The following CFAP20DC variants were observed in gnomAD, a reference collection of about 807,000 sequenced individuals.
The protein encoded by CFAP20DC is CFAP20 domain containing.
In CFAP20DC, 84 loss-of-function variants were observed where a neutral mutation model predicts 101.7. That is an observed-to-expected ratio of 0.83 (90% CI 0.69 to 0.99). The LOEUF (loss-of-function observed/expected upper bound fraction) is 0.99. Among genes scored for constraint, CFAP20DC ranks in the 50% least tolerant of loss-of-function variants. The probability of loss-of-function intolerance (pLI) is 0.00; values close to 1 mark genes in which losing one functional copy is unlikely to be tolerated. For missense variants in CFAP20DC, 1,007 were observed against 970.3 expected (o/e 1.04, Z -0.50); for synonymous variants, 359 against 351.2 (o/e 1.02, Z -0.25).
At chr3:58,752,239 G>A (rs538149577) in intron 16 of CFAP20DC, among the ~76,000 whole-genome samples, 1 of 152,214 alleles carries the variant, frequency 6.6e-6, no homozygotes, top group Non-Finnish European at 1.5e-5. Context: ...AATAGAAAAT[G>A]CTTGTTTTTG....
chr3:58,950,855 G>A (rs2090019687), intron 4 of CFAP20DC, among the ~76,000 whole-genome samples: 1 of 152,102 alleles, frequency 6.6e-6, no homozygotes, highest in Non-Finnish European at 1.5e-5. Context: ...GCATGGGCAA[G>A]GACTTCATGT....
chr3:58,843,935 A>C (rs2077380407), intron 13 of CFAP20DC, among the ~76,000 whole-genome samples: 1 of 86,688 alleles, frequency 1.2e-5, no homozygotes, highest in South Asian at 4.9e-4. Flanking sequence ...TGAAGGAGAA[A>C]TAAAATACTT....
At position 58,867,898 on chromosome 3, in the gene CFAP20DC, C is replaced by G; in HGVS notation, c.1054G>C (p.Glu352Gln). The G allele has an allele frequency of 1.2e-6, 2 of 1,613,106 alleles. No homozygotes were observed. The highest frequency in any genetic ancestry group is 1.7e-6 in the Non-Finnish European group (2 of 1,179,510). Reference protein sequence around the residue: ...LHIMHPHPPQEPSADKNNNRR... With the variant: ...LHIMHPHPPQQPSADKNNNRR... Reference sequence around the variant, plus strand: ...TTATTATTCTTATCTGCTGATGGTTCTTGAGGGGGATGCGGATGCATAATA... The same window carrying G: ...TTATTATTCTTATCTGCTGATGGTTGTTGAGGGGGATGCGGATGCATAATA... The change falls in exon 10 of 17, where the codon GAA becomes CAA. Residue 352 changes from glutamate to glutamine, a missense_variant. Transcript: ENST00000482387.
At chr3:58,972,914 T>C (rs2108388891) in intron 4 of CFAP20DC, among the ~76,000 whole-genome samples, 1 of 152,316 alleles carries the variant, frequency 6.6e-6, no homozygotes, top group South Asian at 2.1e-4. Context: ...TATAATACAG[T>C]ACACAGCATT....
At chr3:58,925,933 A>T (rs925899667) in intron 5 of CFAP20DC, among the ~76,000 whole-genome samples, 1 of 152,252 alleles carries the variant, frequency 6.6e-6, no homozygotes, top group Non-Finnish European at 1.5e-5. Flanking sequence ...GTTTTCCAGA[A>T]TAAACTTATT....
chr3:58,945,168 T>A (rs977042782), intron 4 of CFAP20DC, among the ~76,000 whole-genome samples: 1 of 152,194 alleles, frequency 6.6e-6, no homozygotes, highest in African/African-American at 2.4e-5. Flanking sequence ...AGGCTAGGTA[T>A]CTCTCCCCAA....
At chr3:58,999,881 C>G (rs1025137205) in intron 4 of CFAP20DC, among the ~76,000 whole-genome samples, 1 of 145,538 alleles carries the variant, frequency 6.9e-6, no homozygotes, top group South Asian at 2.2e-4. Context: ...CCTGACAGAG[C>G]ACGGGAAGGC....
intron 14 of CFAP20DC, among the ~76,000 whole-genome samples, chr3:58,815,117 G>T (rs1460185832): frequency 1.3e-5 from 2 of 150,298 alleles, no homozygotes; most frequent in African/African-American, 4.9e-5. Flanking sequence ...ATACTACAAG[G>T]CTACAGTAAC....
intron 3 of CFAP20DC, among the ~76,000 whole-genome samples, chr3:59,041,108 C>T (rs1576813138): frequency 6.6e-6 from 1 of 152,020 alleles, no homozygotes; most frequent in African/African-American, 2.4e-5. Context: ...CATTGATTGG[C>T]CCCACAGTAT....
intron 14 of CFAP20DC, among the ~76,000 whole-genome samples, chr3:58,810,818 C>G (rs1486508373): frequency 6.6e-6 from 1 of 151,570 alleles, no homozygotes; most frequent in African/African-American, 2.4e-5. Flanking sequence ...TTGTCTCAGT[C>G]CAAAATCTCC....
chr3:58,792,635 T>C (rs1281416078), intron 15 of CFAP20DC, among the ~76,000 whole-genome samples: 1 of 151,912 alleles, frequency 6.6e-6, no homozygotes, highest in East Asian at 1.9e-4. Context: ...AAGTAATTCA[T>C]CTTATTTCTT....
rs1409333723 is a variant in CFAP20DC at position 58,721,958 on chromosome 3, C to T, written c.198-4330G>A. Among the ~76,000 whole-genome samples the T allele has an allele frequency of 6.6e-6, 1 of 152,236 alleles. No homozygotes were observed. Among genetic ancestry groups the T allele is most frequent in the Non-Finnish European group, 1.5e-5 (1 of 68,040 alleles). ...TCCCTTGAGCCTGGGCTGGCCTGAA[C>T]TGTAACCAAGAGGATGTGGTGGAAG... On this transcript the variant is annotated intron_variant, in intron 3 of 3. Transcript: ENST00000486145. This position sits in a 1 kb window ranked among gnomAD's most constrained non-coding sequence, Gnocchi z 5.2.
At chr3:58,977,095 T>C (rs936804592) in intron 4 of CFAP20DC, among the ~76,000 whole-genome samples, 1 of 152,244 alleles carries the variant, frequency 6.6e-6, no homozygotes, top group African/African-American at 2.4e-5. Flanking sequence ...ATATAAGAAC[T>C]TAAGTATTGT....
At chr3:58,808,095 A>C (rs534080963) in intron 14 of CFAP20DC, among the ~76,000 whole-genome samples, 1 of 152,378 alleles carries the variant, frequency 6.6e-6, no homozygotes, top group South Asian at 2.1e-4. Flanking sequence ...TGATTGGTGT[A>C]CTTGAAAGTG....
chr3:58,942,106 A>G (rs565515351), intron 4 of CFAP20DC, among the ~76,000 whole-genome samples: 40 of 152,252 alleles, frequency 2.6e-4, no homozygotes, highest in African/African-American at 8.9e-4. Flanking sequence ...TGCCTTTTCT[A>G]TACTGGTTGA....
At chr3:58,976,111 A>G (rs896936976) in intron 4 of CFAP20DC, among the ~76,000 whole-genome samples, 5 of 152,218 alleles carry the variant, frequency 3.3e-5, no homozygotes, top group Non-Finnish European at 5.9e-5. Context: ...TATACACCAC[A>G]TTATTTTTAA....
At chr3:58,791,527 T>A (rs2072855779) in intron 15 of CFAP20DC, among the ~76,000 whole-genome samples, 2 of 152,128 alleles carry the variant, frequency 1.3e-5, no homozygotes, top group Non-Finnish European at 2.9e-5. Context: ...TCATACTGAG[T>A]GAATAGTTTA....
chr3:58,963,116 A>G (rs375710330), intron 4 of CFAP20DC, among the ~76,000 whole-genome samples: 48 of 151,554 alleles, frequency 3.2e-4, no homozygotes, highest in African/African-American at 1.1e-3. Flanking sequence ...GAGCTGGGGA[A>G]AAAAAGGAGG....
Position 58,863,738 on chromosome 3 carries a change from C to T in CFAP20DC, c.1413G>A (p.Gln471=). 1.2e-6 allele frequency: 2 copies of T among 1,614,220 alleles called. No homozygotes were observed. The highest frequency in any genetic ancestry group is 1.7e-6 in the Non-Finnish European group (2 of 1,180,042). ...SEHDQQAEES[Q]SVPKDIFTFS... ...AAGTGAAAATGTCCTTTGGAACACT[C>T]TGGGATTCCTCTGCCTGCTGGTCGT... The change falls in exon 12 of 17, where the codon CAG becomes CAA. Residue 471 remains glutamine (Q), a synonymous_variant. Coordinates refer to ENST00000482387, the MANE Select transcript of CFAP20DC (RefSeq NM_001394063.1). This position sits in a 1 kb window ranked among gnomAD's most constrained non-coding sequence, Gnocchi z 5.9.
Sources: gnomAD v4.1 joint callset for allele counts (sites outside exome capture counted in the v4.1 genomes callset) on GRCh38, gnomAD v4.1.1 for gene constraint, Gnocchi (gnomAD v3.1) non-coding constraint, MANE v1.5 for transcripts, NCBI Gene and HGNC (gene_info 2026-07-23, HGNC 2026-07-21) for gene names.